Variants in EYS observed in about 807,000 individuals in gnomAD.
EYS encodes EGF-like photoreceptor maintenance factor, also known as protein eyes shut homolog.
Under a neutral mutation model 282.1 loss-of-function variants are expected in EYS, and 250 were observed. The observed-to-expected ratio is 0.89, with a 90% CI of 0.80 to 0.98. The LOEUF (loss-of-function observed/expected upper bound fraction) is 0.98. EYS is among the 50% of genes least tolerant of loss of function. The pLI is 0.00. For synonymous variants in EYS, 1,355 were observed against 1,282.9 expected (o/e 1.06, Z -1.20); for missense variants, 4,016 against 3,709.0 (o/e 1.08, Z -2.15).
At chr6:64,316,062 G>T (rs188091302) in intron 29 of EYS, among the ~76,000 whole-genome samples, 1 of 152,112 alleles carries the variant, frequency 6.6e-6, no homozygotes, top group Non-Finnish European at 1.5e-5. Context: ...CTGATGGAAA[G>T]TATCTCAAAA....
At chr6:64,704,240 C>T (rs1458392986) in intron 22 of EYS, among the ~76,000 whole-genome samples, 1 of 149,570 alleles carries the variant, frequency 6.7e-6, no homozygotes, top group African/African-American at 2.4e-5. Flanking sequence ...ATTATAATTC[C>T]ACTTATATCT....
chr6:65,250,211 T>A (rs917095155), intron 12 of EYS, among the ~76,000 whole-genome samples: 1 of 152,068 alleles, frequency 6.6e-6, no homozygotes. Context: ...TCAAACATAC[T>A]AAAACTATGC....
At chr6:64,181,745 C>T (rs1047591967) in intron 31 of EYS, among the ~76,000 whole-genome samples, 53 of 152,054 alleles carry the variant, frequency 3.5e-4, no homozygotes, top group African/African-American at 1.3e-3. Context: ...ATTAAAAAAG[C>T]AATTACTTGT....
At chr6:65,435,912 G>A (rs1303478634) in intron 5 of EYS, among the ~76,000 whole-genome samples, 3 of 152,062 alleles carry the variant, frequency 2.0e-5, no homozygotes, top group South Asian at 2.1e-4. Context: ...TTTAAAAGCC[G>A]AAAACAGAGA....
intron 22 of EYS, among the ~76,000 whole-genome samples, chr6:64,718,266 A>T (rs1374608420): frequency 6.6e-6 from 1 of 152,128 alleles, no homozygotes; most frequent in African/African-American, 2.4e-5. Context: ...AGTATCTACC[A>T]GCCGCCTTAG....
intron 29 of EYS, among the ~76,000 whole-genome samples, chr6:64,326,044 G>A (rs563033731): frequency 1.3e-5 from 2 of 152,254 alleles, no homozygotes; most frequent in East Asian, 3.9e-4. Context: ...CCAAATACAA[G>A]AAGCACAAGG....
At chr6:64,456,945 C>T (rs76233834) in intron 26 of EYS, among the ~76,000 whole-genome samples, 1 of 151,962 alleles carries the variant, frequency 6.6e-6, no homozygotes, top group African/African-American at 2.4e-5. Flanking sequence ...TTCATTCTAA[C>T]TTCAATCTGA....
chr6:65,647,789 T>C (rs1675686326), intron 1 of EYS, among the ~76,000 whole-genome samples: 1 of 152,090 alleles, frequency 6.6e-6, no homozygotes, highest in African/African-American at 2.4e-5. Flanking sequence ...AGGACTAATA[T>C]GCAGAATCTA....
chr6:65,122,294 G>T (rs1041415118), intron 12 of EYS, among the ~76,000 whole-genome samples: 4 of 152,046 alleles, frequency 2.6e-5, no homozygotes, highest in Non-Finnish European at 2.9e-5. Flanking sequence ...AAGGGGATTT[G>T]CCACACCAGA....
intron 26 of EYS, among the ~76,000 whole-genome samples, chr6:64,450,931 C>T (rs1225656630): frequency 2.0e-5 from 3 of 152,060 alleles, no homozygotes; most frequent in African/African-American, 4.8e-5. Context: ...GAGACCCTAA[C>T]ATCAAAATTA....
rs186821979 is a variant in EYS, at chr6:65,482,877, T to C, written c.862+7717A>G. Among the ~76,000 whole-genome samples, 355 of 152,304 alleles carry C rather than the reference T, an allele frequency of 2.3e-3. 2 individuals carry two copies. The highest frequency in any genetic ancestry group is 4.1e-3 in the Non-Finnish European group (280 of 67,998). ...TATGGTAGCTTTAATTTAGTGAAAC[T>C]AAAAACAGTTTATTTTCTGACAATC... is the stretch of plus-strand genomic sequence containing the variant. On this transcript the variant is annotated intron_variant, in intron 5 of 42. Coordinates refer to ENST00000503581, the MANE Select transcript of EYS (RefSeq NM_001142800.2).
At chr6:65,673,629 AT>A (rs1330435196) in intron 1 of EYS, among the ~76,000 whole-genome samples, 1 of 152,034 alleles carries the variant, frequency 6.6e-6, no homozygotes, top group African/African-American at 2.4e-5. Flanking sequence ...CCATTAGTCC[AT>A]TCTACGTTTC....
intron 31 of EYS, among the ~76,000 whole-genome samples, chr6:64,161,263 T>A (rs904237247): frequency 6.6e-6 from 1 of 152,206 alleles, no homozygotes; most frequent in African/African-American, 2.4e-5. Context: ...TCTGTGAAGA[T>A]ACATAAATAA....
In EYS at chr6:64,615,493, ATTATT is replaced by A. The variant is rs148744516; in HGVS notation, c.3684+1920_3684+1924del. ...ATTTGATTTTCTGATAATTCAGCAGATTATTTTATTTTCTGTTCCAATTAATAATT... is the reference window on the plus strand; with the variant it reads ...ATTTGATTTTCTGATAATTCAGCAGATTATTTTCTGTTCCAATTAATAATT... On this transcript the variant is annotated intron_variant, in intron 24 of 42. Transcript: ENST00000503581. 3.4e-3 allele frequency among the ~76,000 whole-genome samples: 521 copies of A among 152,172 alleles called. 1 individual carries two copies. The highest frequency in any genetic ancestry group is 0.012 in the African/African-American group (491 of 41,540).
At chr6:65,455,951 CGGAA>C (rs951868070) in intron 5 of EYS, among the ~76,000 whole-genome samples, 36 of 126,792 alleles carry the variant, frequency 2.8e-4, no homozygotes, top group South Asian at 7.4e-4. Flanking sequence ...GCAGGAAAGA[CGGAA>C]GGAAGGAAGG....
intron 36 of EYS, among the ~76,000 whole-genome samples, chr6:63,841,658 G>T (rs986641703): frequency 6.6e-6 from 1 of 151,966 alleles, no homozygotes; most frequent in Non-Finnish European, 1.5e-5. Flanking sequence ...TGTGCAGAAC[G>T]TGCAGGCTTG....
intron 26 of EYS, among the ~76,000 whole-genome samples, chr6:64,545,328 T>C (rs1319368494): frequency 1.3e-5 from 2 of 152,180 alleles, no homozygotes; most frequent in African/African-American, 4.8e-5. Context: ...CGACCCTTCA[T>C]GCTAAAAACT....
chr6:65,519,969 CACTCTTTATAGATTAATTTT>C (rs1367911633), intron 2 of EYS, among the ~76,000 whole-genome samples: 7 of 148,248 alleles, frequency 4.7e-5, no homozygotes, highest in Admixed American at 1.4e-4. Context: ...TATGGATTTT[CACTCTTTATAGATTAATTTT>C]ACTCTTTATA....
At chr6:64,464,218 A>G (rs1775845969) in intron 26 of EYS, among the ~76,000 whole-genome samples, 1 of 152,178 alleles carries the variant, frequency 6.6e-6, no homozygotes, top group South Asian at 2.1e-4. Context: ...TCTCAATAGA[A>G]GCAAAAAAAT....
Sources: gnomAD v4.1 joint callset for allele counts (sites outside exome capture counted in the v4.1 genomes callset) on GRCh38, gnomAD v4.1.1 for gene constraint, MANE v1.5 for transcripts, NCBI Gene and HGNC (gene_info 2026-07-23, HGNC 2026-07-21) for gene names.